Variants in GABRA5 observed in about 807,000 individuals in gnomAD.
GABRA5 encodes the protein gamma-aminobutyric acid type A receptor subunit alpha5.
GABRA5 carries 18 observed loss-of-function variants against 47.3 expected under a neutral mutation model. The observed-to-expected ratio is 0.38, with a 90% CI of 0.26 to 0.56. GABRA5 has a LOEUF of 0.56. GABRA5 is among the 20% of genes least tolerant of loss of function. The pLI is 0.71. For missense variants in GABRA5, 365 were observed against 599.3 expected (o/e 0.61, Z 4.08); for synonymous variants, 237 against 229.3 (o/e 1.03, Z -0.30).
At chr15:26,897,501 G>A (rs950730100) in intron 6 of GABRA5, among the ~76,000 whole-genome samples, 9 of 152,122 alleles carry the variant, frequency 5.9e-5, no homozygotes, top group South Asian at 4.1e-4. Flanking sequence ...CACCCAGCCC[G>A]TGGTACTTTG....
At chr15:26,928,536 C>G (rs139377082) in intron 7 of GABRA5, among the ~76,000 whole-genome samples, 15 of 152,038 alleles carry the variant, frequency 9.9e-5, no homozygotes, top group African/African-American at 2.2e-4. Context: ...GGGGCCCTTA[C>G]GAGGTGATTA....
At position 26,937,252 on chromosome 15, in the gene GABRA5, G is replaced by C; in HGVS notation, c.648G>C (p.Ala216=). 1 of 1,613,962 alleles carries C rather than the reference G, an allele frequency of 6.2e-7. No homozygotes were observed. Among genetic ancestry groups the C allele is most frequent in the Non-Finnish European group, 8.5e-7 (1 of 1,179,876 alleles). The change falls in exon 8 of 11, where the codon GCG becomes GCC. Residue 216 remains alanine (A), a synonymous_variant. Transcript: ENST00000335625. The part of the protein sequence containing the change: ...TNGSTKSVVV[A]EDGSRLNQYH... ...GCTCCACCAAGTCGGTGGTGGTGGC[G>C]GAAGATGGCTCCAGACTGAACCAGT...
At chr15:26,886,905 T>C (rs1466871007) in intron 6 of GABRA5, among the ~76,000 whole-genome samples, 2 of 152,232 alleles carry the variant, frequency 1.3e-5, no homozygotes, top group African/African-American at 4.8e-5. Flanking sequence ...GCGATAGAGC[T>C]ATAGCTAGAA....
At chr15:26,912,055 C>T (rs1893608243) in intron 6 of GABRA5, among the ~76,000 whole-genome samples, 1 of 152,200 alleles carries the variant, frequency 6.6e-6, no homozygotes. Flanking sequence ...ACGCCCTCCC[C>T]TCCACCCCAC....
intron 4 of GABRA5, 132 bp downstream of exon 4, chr15:26,881,099 G>A (rs775280373): frequency 1.2e-4 from 114 of 938,608 alleles, no homozygotes; most frequent in Non-Finnish European, 3.2e-5. Context: ...TATGATGGCT[G>A]TTCCACTCTT....
At chr15:26,945,814 C>T (rs1467350043) in intron 10 of GABRA5, among the ~76,000 whole-genome samples, 2 of 151,312 alleles carry the variant, frequency 1.3e-5, no homozygotes, top group African/African-American at 2.4e-5. Context: ...CTCCCTGCCA[C>T]CCGCCCCCAC....
At chr15:26,893,402 GTGTTGTGTGTGT>G (rs1226279156) in intron 6 of GABRA5, among the ~76,000 whole-genome samples, 16 of 144,524 alleles carry the variant, frequency 1.1e-4, no homozygotes, top group East Asian at 2.1e-4. Flanking sequence ...TGTGTATGGT[GTGTTGTGTGTGT>G]TGTGTGTGTA....
intron 7 of GABRA5, among the ~76,000 whole-genome samples, chr15:26,917,618 A>G (rs1893749041): frequency 6.6e-6 from 1 of 151,960 alleles, no homozygotes; most frequent in Non-Finnish European, 1.5e-5. Context: ...TTTTTTTTGA[A>G]GAGTTTGAGA....
At chr15:26,869,040 T>C (rs1250343595) in intron 2 of GABRA5, 135 bp from the exon 3 acceptor site, 2 of 520,616 alleles carry the variant, frequency 3.8e-6, no homozygotes, top group Non-Finnish European at 6.9e-6. Context: ...AAATACCTGG[T>C]GTGCAGCTGT....
chr15:26,883,585 C>CGGGGGGGGGGGGGGGGGGG lies in GABRA5; in HGVS notation c.497+28_497+29insGGGGGGGGGGGGGGGGGGG. The stretch of plus-strand genomic sequence containing the variant: ...GAGCGCCGGGCGGGGGCGGGCGGGG[C>CGGGGGGGGGGGGGGGGGGG]CGGGGGACGGTGCGGGGCAGGCGCG... On this transcript the variant is annotated intron_variant, in intron 6 of 10. Transcript: ENST00000335625. The surrounding 1 kb of genome is among the most constrained non-coding windows in gnomAD (Gnocchi z 4.8). 1.4e-6 allele frequency: 2 copies of CGGGGGGGGGGGGGGGGGGG among 1,416,310 alleles called. No homozygotes were observed. Among genetic ancestry groups the CGGGGGGGGGGGGGGGGGGG allele is most frequent in the Non-Finnish European group, 1.9e-6 (2 of 1,031,460 alleles). The allele number at this position is 1,416,310 out of a possible 1,614,324, so 87.7% of individuals were successfully genotyped here.
chr15:26,913,515 C>T (rs1306893485), intron 6 of GABRA5, among the ~76,000 whole-genome samples: 3 of 152,154 alleles, frequency 2.0e-5, no homozygotes, highest in Non-Finnish European at 2.9e-5. Flanking sequence ...TTTTGATTCT[C>T]ACCCTAGGCT....
chr15:26,915,309 T>A (rs1315232294), intron 7 of GABRA5, among the ~76,000 whole-genome samples: 7 of 152,234 alleles, frequency 4.6e-5, no homozygotes, highest in Admixed American at 4.6e-4. Context: ...TCTAGAATGT[T>A]CCATAAGAGC....
chr15:26,874,000 C>T (rs1281822210), intron 3 of GABRA5, among the ~76,000 whole-genome samples: 1 of 152,202 alleles, frequency 6.6e-6, no homozygotes, highest in Non-Finnish European at 1.5e-5. Context: ...TCAGCATGTT[C>T]AGCAGGCACT....
intron 3 of GABRA5, among the ~76,000 whole-genome samples, chr15:26,871,608 A>G (rs1892473595): frequency 1.3e-5 from 2 of 152,206 alleles, no homozygotes; most frequent in South Asian, 4.1e-4. Flanking sequence ...TCCACCACCC[A>G]GAGACAACCA....
At position 26,915,653 on chromosome 15, in the gene GABRA5, T is replaced by C. The variant is rs144083385; in HGVS notation, c.580+768T>C. Among the ~76,000 whole-genome samples, 1,326 of 152,366 alleles carry C rather than the reference T, an allele frequency of 8.7e-3. 14 individuals are homozygous for C. Among genetic ancestry groups the C allele is most frequent in the Middle Eastern group, 0.014 (4 of 294 alleles). On this transcript the variant is annotated intron_variant, in intron 7 of 10. Coordinates refer to ENST00000335625, the MANE Select transcript of GABRA5 (RefSeq NM_000810.4). ...TTCAGCATCATCCCCACATGTGAGCTATTGGGAGCAGACTTGAAACTGATC... is the reference window on the plus strand; with the variant it reads ...TTCAGCATCATCCCCACATGTGAGCCATTGGGAGCAGACTTGAAACTGATC...
At chr15:26,929,931 C>G (rs1040802644) in intron 7 of GABRA5, among the ~76,000 whole-genome samples, 1 of 152,070 alleles carries the variant, frequency 6.6e-6, no homozygotes, top group Non-Finnish European at 1.5e-5. Flanking sequence ...CTTTCTCATT[C>G]CTTTCAAAAT....
At chr15:26,875,846 C>T (rs1390787247) in intron 3 of GABRA5, among the ~76,000 whole-genome samples, 1 of 151,998 alleles carries the variant, frequency 6.6e-6, no homozygotes, top group Non-Finnish European at 1.5e-5. Context: ...AGGTTTGAAA[C>T]ATGATCCAAT....
intron 6 of GABRA5, among the ~76,000 whole-genome samples, chr15:26,885,476 A>G (rs1273786516): frequency 6.6e-6 from 1 of 152,168 alleles, no homozygotes; most frequent in Non-Finnish European, 1.5e-5. Flanking sequence ...CTTGTCTCAC[A>G]GTTCCAAATC....
At chr15:26,869,454 C>A in intron 3 of GABRA5, 120 bp downstream of exon 3, 2 of 688,262 alleles carry the variant, frequency 2.9e-6, no homozygotes, top group Non-Finnish European at 5.3e-6. Flanking sequence ...CAGTCCCAAG[C>A]CCTTCACTTG....
Sources: allele counts gnomAD v4.1 joint callset (sites outside exome capture counted in the v4.1 genomes callset), GRCh38; gene constraint gnomAD v4.1.1; non-coding constraint Gnocchi (gnomAD v3.1); transcripts MANE v1.5; gene names NCBI Gene and HGNC (gene_info 2026-07-23, HGNC 2026-07-21).